The following CSMD1 variants were observed in gnomAD, a reference collection of about 807,000 sequenced individuals.
CSMD1 encodes the protein CUB and sushi domain-containing protein 1.
In CSMD1, 213 loss-of-function variants were observed where a neutral mutation model predicts 417.5. That is an observed-to-expected ratio of 0.51 (90% CI 0.46 to 0.57). CSMD1 has a LOEUF of 0.57. CSMD1 is among the 20% of genes least tolerant of loss of function. CSMD1 has a pLI of 0.00. For synonymous variants in CSMD1, 2,862 were observed against 1,736.8 expected (o/e 1.65, Z -16.11); for missense variants, 6,923 against 4,529.7 (o/e 1.53, Z -15.17).
chr8:4,086,641 C>T lies in CSMD1; in HGVS notation c.416-54542G>A, dbSNP rs185895685. Among the ~76,000 whole-genome samples, 15 of 152,286 alleles carry T rather than the reference C, an allele frequency of 9.8e-5. No individual in the cohort carries two copies. In the East Asian group the frequency reaches 2.5e-3, roughly 26 times the overall value. On this transcript the variant is annotated intron_variant, in intron 3 of 69. Coordinates refer to ENST00000635120, the MANE Select transcript of CSMD1 (RefSeq NM_033225.6). ...AGACGCGAGACTTTTCTTAATGCAC[C>T]AAGCGATTTCATTCTTTCTCATTCA...
At chr8:4,246,413 T>G (rs1802712226) in intron 3 of CSMD1, among the ~76,000 whole-genome samples, 1 of 152,214 alleles carries the variant, frequency 6.6e-6, no homozygotes, top group African/African-American at 2.4e-5. Flanking sequence ...AAGTTCTTAA[T>G]AAGTTGTAGA....
At chr8:4,107,231 C>T (rs1801614431) in intron 3 of CSMD1, among the ~76,000 whole-genome samples, 2 of 152,164 alleles carry the variant, frequency 1.3e-5, no homozygotes, top group Admixed American at 1.3e-4. Flanking sequence ...AAGTAGCTGG[C>T]GCCAGAATGG....
At chr8:3,095,920 G>A (rs904477867) in intron 47 of CSMD1, among the ~76,000 whole-genome samples, 4 of 152,050 alleles carry the variant, frequency 2.6e-5, no homozygotes, top group Admixed American at 6.6e-5. Context: ...AGTATTGCAC[G>A]TGTTCAGTTA....
intron 23 of CSMD1, 81 bp downstream of exon 23, chr8:3,343,213 T>C (rs1807775616): frequency 1.6e-6 from 2 of 1,274,758 alleles, no homozygotes; most frequent in South Asian, 1.3e-5. Flanking sequence ...AAAATCAATA[T>C]TTAAAACTTA....
chr8:3,359,466 A>G (rs1809012929), intron 20 of CSMD1, 126 bp from the exon 21 acceptor site: 1 of 696,434 alleles, frequency 1.4e-6, no homozygotes, highest in Non-Finnish European at 2.3e-6. Flanking sequence ...TTTTCCCCAA[A>G]CACTTATAAC....
chr8:3,755,373 T>C (rs902572964), intron 5 of CSMD1, among the ~76,000 whole-genome samples: 3 of 152,214 alleles, frequency 2.0e-5, no homozygotes, highest in African/African-American at 4.8e-5. Flanking sequence ...CTGAAGCACA[T>C]TCTCCATGTG....
intron 11 of CSMD1, among the ~76,000 whole-genome samples, chr8:3,472,663 A>G (rs1817173996): frequency 6.6e-6 from 1 of 151,954 alleles, no homozygotes; most frequent in Admixed American, 6.6e-5. Context: ...TAGTCAGTGT[A>G]TTTTTCCTAT....
intron 5 of CSMD1, among the ~76,000 whole-genome samples, chr8:3,948,904 G>T (rs142141992): frequency 1.3e-5 from 2 of 151,142 alleles, no homozygotes; most frequent in African/African-American, 4.9e-5. Flanking sequence ...TTTTTTTTCA[G>T]AACACTGACT....
intron 1 of CSMD1, among the ~76,000 whole-genome samples, chr8:4,906,807 C>T (rs1026048099): frequency 6.6e-6 from 1 of 152,232 alleles, no homozygotes; most frequent in African/African-American, 2.4e-5. Context: ...ATCTGCCTGC[C>T]TCGGCCTCCC....
intron 3 of CSMD1, among the ~76,000 whole-genome samples, chr8:4,254,932 A>C (rs568740890): frequency 2.6e-5 from 4 of 152,286 alleles, no homozygotes; most frequent in South Asian, 2.1e-4. Context: ...TCCCATCACT[A>C]ATCAACACAT....
intron 5 of CSMD1, among the ~76,000 whole-genome samples, chr8:3,809,069 C>G (rs1800913583): frequency 6.6e-6 from 1 of 152,158 alleles, no homozygotes; most frequent in Admixed American, 6.5e-5. Context: ...CCTGGGGAAT[C>G]ACGCAGCTTC....
At position 3,599,328 on chromosome 8, in the gene CSMD1, T is replaced by A. The variant is rs1396718807; in HGVS notation, c.1098-13068A>T. On this transcript the variant is annotated intron_variant, in intron 8 of 69. Coordinates refer to ENST00000635120, the MANE Select transcript of CSMD1 (RefSeq NM_033225.6). The stretch of plus-strand genomic sequence containing the variant: ...TGAGAACACCTGAGATCTACCCTCT[T>A]AGCAAATTCTCAGGATGCAACACGG... Among the ~76,000 whole-genome samples the A allele has an allele frequency of 2.0e-5, 3 of 152,282 alleles. No individual in the cohort carries two copies. The South Asian group carries it at 6.2e-4, about 32-fold the overall frequency.
intron 18 of CSMD1, among the ~76,000 whole-genome samples, chr8:3,384,840 T>C (rs1171888665): frequency 8.1e-6 from 1 of 122,872 alleles, no homozygotes; most frequent in East Asian, 2.2e-4. Flanking sequence ...ATAGTATACA[T>C]ATTTATATAT....
chr8:3,627,700 G>A (rs1250186603), intron 7 of CSMD1, among the ~76,000 whole-genome samples: 2 of 152,144 alleles, frequency 1.3e-5, no homozygotes, highest in East Asian at 1.9e-4. Flanking sequence ...ACGTTTTTAT[G>A]TATTACATAA....
intron 7 of CSMD1, among the ~76,000 whole-genome samples, chr8:3,646,937 C>G (rs1306462820): frequency 1.3e-5 from 2 of 152,124 alleles, no homozygotes; most frequent in Non-Finnish European, 2.9e-5. Flanking sequence ...AATTTAAAAC[C>G]TCAACAATGA....
At chr8:4,241,541 CTA>C (rs1202172677) in intron 3 of CSMD1, among the ~76,000 whole-genome samples, 2 of 152,180 alleles carry the variant, frequency 1.3e-5, no homozygotes, top group East Asian at 3.9e-4. Context: ...GTGCACCACT[CTA>C]TGTCCATGCT....
intron 1 of CSMD1, among the ~76,000 whole-genome samples, chr8:4,865,693 C>G (rs1802385099): frequency 6.6e-6 from 1 of 151,812 alleles, no homozygotes; most frequent in South Asian, 2.1e-4. Context: ...GTACTTCCAT[C>G]AATCAGATTT....
intron 1 of CSMD1, among the ~76,000 whole-genome samples, chr8:4,946,979 G>T (rs142376076): frequency 6.6e-6 from 1 of 152,152 alleles, no homozygotes; most frequent in African/African-American, 2.4e-5. Context: ...TGAGGAGTCA[G>T]TAATCAATGT....
intron 5 of CSMD1, among the ~76,000 whole-genome samples, chr8:3,777,976 T>C (rs113704469): frequency 6.6e-6 from 1 of 151,922 alleles, no homozygotes; most frequent in East Asian, 1.9e-4. Context: ...CTCCTTGAAG[T>C]GCAGAGTCTC....
Sources: gnomAD v4.1 joint callset for allele counts (sites outside exome capture counted in the v4.1 genomes callset) on GRCh38, gnomAD v4.1.1 for gene constraint, MANE v1.5 for transcripts, NCBI Gene and HGNC (gene_info 2026-07-23, HGNC 2026-07-21) for gene names.